Variants in C21orf91 observed in about 807,000 individuals in gnomAD.
C21orf91 encodes the protein chromosome 21 open reading frame 91, also known as protein EURL homolog.
In C21orf91, 26 loss-of-function variants were observed where a neutral mutation model predicts 32.9. The ratio of observed to expected loss-of-function variants is 0.79; its 90% CI spans 0.58 to 1.10. C21orf91 has a LOEUF of 1.10. Ranked by LOEUF, C21orf91 falls within the 50% of genes least tolerant of loss-of-function variation. The pLI, the probability that C21orf91 is intolerant of heterozygous loss-of-function variation, is 0.00. For synonymous variants in C21orf91, 126 were observed against 120.4 expected (o/e 1.05, Z -0.31); for missense variants, 310 against 341.3 (o/e 0.91, Z 0.72).
chr21:17,816,655 TAG>T (rs1467571308), intron 2 of C21orf91, among the ~76,000 whole-genome samples: 1 of 152,230 alleles, frequency 6.6e-6, no homozygotes, highest in Non-Finnish European at 1.5e-5. Context: ...ACATTTAAAA[TAG>T]AAAATGACAG....
At chr21:17,805,431 A>C (rs973143660) in intron 2 of C21orf91, among the ~76,000 whole-genome samples, 1 of 152,170 alleles carries the variant, frequency 6.6e-6, no homozygotes, top group African/African-American at 2.4e-5. Context: ...CTCCTGCCTC[A>C]GCCTCCCGGG....
chr21:17,818,777 T>A (rs1218908814), intron 1 of C21orf91: 2 of 152,898 alleles, frequency 1.3e-5, no homozygotes, highest in Non-Finnish European at 2.9e-5. Context: ...GAACCTCAGA[T>A]GCGCCTCGCG....
At position 17,796,796 on chromosome 21, in the gene C21orf91, A is replaced by G; in HGVS notation, c.450T>C (p.Ser150=). ...PKYSAKWIDG[S]AGGISNCTQR... is the part of the protein sequence containing the mutation. ...GTGTACAGTTAGAGATGCCACCTGC[A>G]CTTCCATCTATCCATTTTGCAGAAT... The change falls in exon 3 of 5, where the codon AGT becomes AGC. Residue 150 remains serine, a synonymous_variant. Transcript: ENST00000284881. 1 of 1,613,310 alleles carries G rather than the reference A, an allele frequency of 6.2e-7. No individual in the cohort carries two copies. The highest frequency in any genetic ancestry group is 8.5e-7 in the Non-Finnish European group (1 of 1,179,256).
rs80018068 is a variant in C21orf91 at position 17,806,110 on chromosome 21, T to C, written c.128-8992A>G. Among the ~76,000 whole-genome samples, 1,321 of 152,248 alleles carry C rather than the reference T, an allele frequency of 8.7e-3. 14 individuals are homozygous for C. Among genetic ancestry groups the C allele is most frequent in the Admixed American group, 0.021 (323 of 15,302 alleles). ...AAATTTAAGGTTTGAAAGCAAGAAATGTGATAACTCTGTCTCTCTGCCTTT... is the reference window on the plus strand; with the variant it reads ...AAATTTAAGGTTTGAAAGCAAGAAACGTGATAACTCTGTCTCTCTGCCTTT... On this transcript the variant is annotated intron_variant, in intron 2 of 4. Coordinates refer to ENST00000284881, the MANE Select transcript of C21orf91 (RefSeq NM_001100420.2).
chr21:17,808,052 C>T (rs1002104273), intron 2 of C21orf91, among the ~76,000 whole-genome samples: 1 of 152,180 alleles, frequency 6.6e-6, no homozygotes, highest in African/African-American at 2.4e-5. Context: ...GGGGAAAATG[C>T]CTTGAAGGCA....
At chr21:17,798,379 G>A (rs1288316160) in intron 2 of C21orf91, among the ~76,000 whole-genome samples, 1 of 152,160 alleles carries the variant, frequency 6.6e-6, no homozygotes, top group Admixed American at 6.5e-5. Flanking sequence ...GGGACTTGAT[G>A]AGACTGTCAA....
At position 17,793,147 on chromosome 21, in the gene C21orf91, T is replaced by G. The variant is rs916570235; in HGVS notation, c.*268A>C. 1 of 237,308 alleles carries G rather than the reference T, an allele frequency of 4.2e-6. No homozygotes were observed. Among genetic ancestry groups the G allele is most frequent in the African/African-American group, 2.2e-5 (1 of 44,582 alleles). 14.7% of individuals were successfully genotyped at this position (237,308 alleles called of 1,614,324 possible). ...ATTAAAATGTTTAATAAAATGACACTGTAACAGTATATTTAAGTAGTCACA... is the reference window on the plus strand; with the variant it reads ...ATTAAAATGTTTAATAAAATGACACGGTAACAGTATATTTAAGTAGTCACA... On this transcript the variant is annotated 3_prime_UTR_variant, in exon 5 of 5. Coordinates refer to ENST00000284881, the MANE Select transcript of C21orf91 (RefSeq NM_001100420.2).
intron 2 of C21orf91, among the ~76,000 whole-genome samples, chr21:17,814,556 C>T (rs1568757191): frequency 2.6e-5 from 4 of 152,188 alleles, no homozygotes. Flanking sequence ...ATGGTAGCAT[C>T]AGCCTCTGCG....
At chr21:17,796,326 T>C (rs1316981957) in intron 3 of C21orf91, among the ~76,000 whole-genome samples, 1 of 152,224 alleles carries the variant, frequency 6.6e-6, no homozygotes, top group African/African-American at 2.4e-5. Context: ...AATTCACAGT[T>C]TGTTGATTCC....
intron 2 of C21orf91, chr21:17,811,414 C>G (rs1027697049): frequency 6.6e-6 from 1 of 152,224 alleles, no homozygotes; most frequent in Non-Finnish European, 1.5e-5. Context: ...TTTCTTCCAA[C>G]TAGAGGGTGA....
rs932350222 is a variant in C21orf91 at position 17,789,488 on chromosome 21, A to G, written c.*3927T>C. ...TTGGGAGAGGGCAATACTCATCTTCATGAATTTTTGTTTACTTTGGTAAAC... is the reference window on the plus strand; with the variant it reads ...TTGGGAGAGGGCAATACTCATCTTCGTGAATTTTTGTTTACTTTGGTAAAC... On this transcript the variant is annotated 3_prime_UTR_variant, in exon 5 of 5. Coordinates refer to ENST00000284881, the MANE Select transcript of C21orf91 (RefSeq NM_001100420.2). The G allele has an allele frequency of 4.6e-5, 7 of 152,174 alleles. No homozygotes were observed. Among genetic ancestry groups the G allele is most frequent in the Non-Finnish European group, 8.8e-5 (6 of 67,996 alleles). 9.4% of individuals were successfully genotyped at this position (152,174 alleles called of 1,614,324 possible).
chr21:17,804,214 C>G (rs529773677), intron 2 of C21orf91, among the ~76,000 whole-genome samples: 1 of 152,190 alleles, frequency 6.6e-6, no homozygotes, highest in Non-Finnish European at 1.5e-5. Context: ...TTATCTATTG[C>G]CAAGCACTGC....
chr21:17,799,779 CAT>C (rs1263780145), intron 2 of C21orf91, among the ~76,000 whole-genome samples: 1 of 152,126 alleles, frequency 6.6e-6, no homozygotes, highest in African/African-American at 2.4e-5. Context: ...CTATCTTACT[CAT>C]ATATTCTCAG....
At chr21:17,812,538 G>A (rs568417678) in intron 2 of C21orf91, among the ~76,000 whole-genome samples, 4 of 152,254 alleles carry the variant, frequency 2.6e-5, no homozygotes, top group South Asian at 2.1e-4. Flanking sequence ...GGCCGGGCGC[G>A]GTGGCTCACG....
chr21:17,813,406 T>C (rs1247922294), intron 2 of C21orf91, among the ~76,000 whole-genome samples: 4 of 152,226 alleles, frequency 2.6e-5, no homozygotes, highest in South Asian at 2.1e-4. Context: ...AGATTAAACA[T>C]AGACACTAAT....
At chr21:17,794,882 C>A (rs1204137313) in intron 4 of C21orf91, among the ~76,000 whole-genome samples, 2 of 151,234 alleles carry the variant, frequency 1.3e-5, no homozygotes, top group Non-Finnish European at 2.9e-5. Context: ...GCCTGGGCAA[C>A]ATGATGAAAC....
chr21:17,805,210 T>A (rs2062586622), intron 2 of C21orf91, among the ~76,000 whole-genome samples: 1 of 152,248 alleles, frequency 6.6e-6, no homozygotes, highest in Non-Finnish European at 1.5e-5. Context: ...GCTAGGCTAC[T>A]GAATTGGACA....
chr21:17,792,497 A>T lies in C21orf91; in HGVS notation c.*918T>A, dbSNP rs558162174. 6.6e-5 allele frequency: 10 copies of T among 152,252 alleles called. No homozygotes were observed. The South Asian group carries it at 2.1e-3, about 32-fold the overall frequency. The allele number at this position is 152,252 out of a possible 1,614,324, so 9.4% of individuals were successfully genotyped here. A position where few individuals can be genotyped will look rare whatever the true frequency, so the allele number is the denominator to read the frequency against. ...CTTACTTTTTTTTTTCAAAGACAGA[A>T]CAATTTCACAGCACACTCAATTTGA... On this transcript the variant is annotated 3_prime_UTR_variant, in exon 5 of 5. Transcript: ENST00000284881.
At chr21:17,817,672 A>T (rs1568758495) in intron 2 of C21orf91, 1 of 152,110 alleles carries the variant, frequency 6.6e-6, no homozygotes, top group African/African-American at 2.4e-5. Context: ...AAAAAATTTT[A>T]AAAACCTTTT....
Sources: allele counts gnomAD v4.1 joint callset (sites outside exome capture counted in the v4.1 genomes callset), GRCh38; gene constraint gnomAD v4.1.1; transcripts MANE v1.5; gene names NCBI Gene and HGNC (gene_info 2026-07-23, HGNC 2026-07-21).